Variants in TRAPPC11 observed in about 807,000 individuals in gnomAD.
TRAPPC11 encodes the protein trafficking protein particle complex subunit 11.
A neutral mutation model predicts 151.2 loss-of-function variants in TRAPPC11; 104 were observed. The observed-to-expected ratio is 0.69, with a 90% CI of 0.59 to 0.81. TRAPPC11 has a LOEUF of 0.81. TRAPPC11 is among the 30% of genes least tolerant of loss of function. The pLI is 0.00. For synonymous variants in TRAPPC11, 456 were observed against 472.3 expected (o/e 0.97, Z 0.45); for missense variants, 1,230 against 1,349.6 (o/e 0.91, Z 1.39).
chr4:183,705,288 T>A lies in TRAPPC11; in HGVS notation c.3055+218T>A, dbSNP rs553243684. ...AGATACAAAGCCATAAATACTTTCA[T>A]ATGCCTGTTTTAAAAATAATGGCTA... On this transcript the variant is annotated intron_variant, in intron 27 of 29. Transcript: ENST00000334690. 3.0e-4 allele frequency among the ~76,000 whole-genome samples: 46 copies of A among 152,354 alleles called. 1 individual carries two copies. Among genetic ancestry groups the A allele is most frequent in the African/African-American group, 1.0e-3 (43 of 41,580 alleles).
chr4:183,683,672 AAAAG>A (rs1735813453), intron 11 of TRAPPC11, among the ~76,000 whole-genome samples: 2 of 152,196 alleles, frequency 1.3e-5, no homozygotes, highest in African/African-American at 4.8e-5. Flanking sequence ...AAAAAAGAAA[AAAAG>A]GAAATGATTA....
intron 20 of TRAPPC11, 101 bp from the exon 21 acceptor site, chr4:183,693,488 G>T: frequency 7.7e-7 from 1 of 1,302,610 alleles, no homozygotes; most frequent in Non-Finnish European, 1.0e-6. Flanking sequence ...TTACAGGCCT[G>T]AGCCTCTGCA....
Position 183,693,738 on chromosome 4 carries a change from G to C in TRAPPC11, c.2386+1G>C. ...AAGCTCACCGCTGGCTTAAAACCAG[G>C]TAAGCATTCCTTTTTGTAAGTTTGA... On this transcript the variant is annotated splice_donor_variant, in intron 21 of 29. Coordinates refer to ENST00000334690, the MANE Select transcript of TRAPPC11 (RefSeq NM_021942.6). LOFTEE classifies it high-confidence loss of function. 6.2e-7 allele frequency: 1 copy of C among 1,612,942 alleles called. No individual in the cohort carries two copies. The highest frequency in any genetic ancestry group is 8.5e-7 in the Non-Finnish European group (1 of 1,179,672).
At position 183,705,070 on chromosome 4, in the gene TRAPPC11, G is replaced by A; in HGVS notation, c.3055G>A (p.Asp1019Asn). The change falls in exon 27 of 30, where the codon GAT becomes AAT. Residue 1019 changes from aspartate (D) to asparagine (N), a missense_variant and splice_region_variant. Coordinates refer to ENST00000334690, the MANE Select transcript of TRAPPC11 (RefSeq NM_021942.6). ...VENIPLHVNA[D>N]LPSFGRVRES... The stretch of plus-strand genomic sequence containing the variant: ...GAATATCCCTCTCCATGTGAATGCA[G>A]GTAGCGGAATTCAAATTTTACTTGA... The A allele has an allele frequency of 1.3e-6, 2 of 1,576,870 alleles. No individual in the cohort carries two copies. The highest frequency in any genetic ancestry group is 1.7e-6 in the Non-Finnish European group (2 of 1,153,074).
intron 19 of TRAPPC11, among the ~76,000 whole-genome samples, chr4:183,691,866 A>C (rs987515793): frequency 1.3e-5 from 2 of 152,168 alleles, no homozygotes; most frequent in Non-Finnish European, 2.9e-5. Flanking sequence ...ATTCAGACTG[A>C]ATATCTTTTG....
At chr4:183,665,222 G>C (rs1734798887) in intron 2 of TRAPPC11, among the ~76,000 whole-genome samples, 1 of 150,424 alleles carries the variant, frequency 6.6e-6, no homozygotes, top group Non-Finnish European at 1.5e-5. Flanking sequence ...AGCCTCCCGA[G>C]TGGCTGGGAC....
At chr4:183,664,596 A>G (rs563181820) in intron 2 of TRAPPC11, among the ~76,000 whole-genome samples, 2 of 152,318 alleles carry the variant, frequency 1.3e-5, no homozygotes, top group Non-Finnish European at 2.9e-5. Flanking sequence ...TTCAAAACTG[A>G]CTTTTAAGGT....
intron 5 of TRAPPC11, among the ~76,000 whole-genome samples, chr4:183,672,566 G>A (rs1245892555): frequency 6.6e-6 from 1 of 152,046 alleles, no homozygotes; most frequent in African/African-American, 2.4e-5. Context: ...AAATAATAAA[G>A]AAGTGTATGA....
At chr4:183,673,481 C>G (rs1416236238) in intron 5 of TRAPPC11, among the ~76,000 whole-genome samples, 2 of 152,062 alleles carry the variant, frequency 1.3e-5, no homozygotes, top group Non-Finnish European at 2.9e-5. Flanking sequence ...TGAGACCAGC[C>G]TGGGCAACAT....
At chr4:183,690,115 A>G (rs1736185964) in intron 18 of TRAPPC11, among the ~76,000 whole-genome samples, 1 of 152,106 alleles carries the variant, frequency 6.6e-6, no homozygotes, top group African/African-American at 2.4e-5. Flanking sequence ...AGGCATGAGA[A>G]TTGCTTGAAC....
At chr4:183,703,981 C>G (rs912300301) in intron 26 of TRAPPC11, among the ~76,000 whole-genome samples, 1 of 152,128 alleles carries the variant, frequency 6.6e-6, no homozygotes, top group Non-Finnish European at 1.5e-5. Flanking sequence ...CACCTGTAAA[C>G]CATCCTCAGT....
At chr4:183,693,190 AT>A (rs1202391216) in intron 20 of TRAPPC11, 43 bp downstream of exon 20, 1 of 1,513,464 alleles carries the variant, frequency 6.6e-7, no homozygotes, top group African/African-American at 1.4e-5. Context: ...TCATCCTCTT[AT>A]TTCTTTTGCT....
chr4:183,666,566 C>A, intron 3 of TRAPPC11, 140 bp downstream of exon 3: 1 of 749,794 alleles, frequency 1.3e-6, no homozygotes, highest in Non-Finnish European at 2.1e-6. Context: ...TGTTCACTTC[C>A]TCACAGGTAG....
At chr4:183,671,704 C>G (rs1019276532) in intron 5 of TRAPPC11, among the ~76,000 whole-genome samples, 1 of 152,160 alleles carries the variant, frequency 6.6e-6, no homozygotes, top group African/African-American at 2.4e-5. Context: ...AGCTCTCTTT[C>G]CTGGAATCGG....
chr4:183,692,193 T>C (rs139021721), intron 19 of TRAPPC11, among the ~76,000 whole-genome samples: 18 of 152,294 alleles, frequency 1.2e-4, no homozygotes, highest in African/African-American at 3.8e-4. Context: ...TTGCTTGGAA[T>C]AGTGATTAGC....
chr4:183,693,682 G>A lies in TRAPPC11; in HGVS notation c.2331G>A (p.Gln777=). The change falls in exon 21 of 30, where the codon CAG becomes CAA. Residue 777 remains glutamine (Q), a synonymous_variant. Transcript: ENST00000334690. ...TGTATTGTTTGGTTGTGACTGTTCA[G>A]TCCCATGAAAAGACCCAAATCAGAG... The part of the protein sequence containing the change: ...NEMYCLVVTV[Q]SHEKTQIRDV... 1 of 1,614,076 alleles carries A rather than the reference G, an allele frequency of 6.2e-7. No homozygotes were observed. Among genetic ancestry groups the A allele is most frequent in the Admixed American group, 1.7e-5 (1 of 60,022 alleles).
Position 183,712,833 on chromosome 4 carries a change from TAATA to T in TRAPPC11, c.*194_*197del, listed in dbSNP as rs1359006220. 2 of 495,606 alleles carry T rather than the reference TAATA, an allele frequency of 4.0e-6. No homozygotes were observed. The highest frequency in any genetic ancestry group is 2.0e-5 in the African/African-American group (1 of 51,074). The allele number at this position is 495,606 out of a possible 1,614,324, so 30.7% of individuals were successfully genotyped here. On this transcript the variant is annotated 3_prime_UTR_variant, in exon 30 of 30. Transcript: ENST00000334690. ...AGGAAAATCTGTCTTATAGTTTCTC[TAATA>T]AATATCTGAAATCTCAGTACGACAT...
Position 183,693,365 on chromosome 4 carries a change from T to C in TRAPPC11, c.2237+218T>C, listed in dbSNP as rs4576052. 0.25 allele frequency among the ~76,000 whole-genome samples: 37,523 copies of C among 151,782 alleles called. 4,834 individuals are homozygous for C. Among genetic ancestry groups the C allele is most frequent in the African/African-American group, 0.32 (13,094 of 41,370 alleles). On this transcript the variant is annotated intron_variant, in intron 20 of 29. Coordinates refer to ENST00000334690, the MANE Select transcript of TRAPPC11 (RefSeq NM_021942.6). ...GACTACAGCCAGGTGCCACCATGCC[T>C]GACTAATTTTTGTATTTTTTCTAGA...
intron 8 of TRAPPC11, among the ~76,000 whole-genome samples, chr4:183,678,188 C>G (rs1372316050): frequency 6.6e-6 from 1 of 152,156 alleles, no homozygotes; most frequent in African/African-American, 2.4e-5. Context: ...CCACCTGTCT[C>G]GGCCTCCCAA....
Sources: allele counts gnomAD v4.1 joint callset (sites outside exome capture counted in the v4.1 genomes callset), GRCh38; gene constraint gnomAD v4.1.1; transcripts MANE v1.5; gene names NCBI Gene and HGNC (gene_info 2026-07-23, HGNC 2026-07-21).